The following L1TD1 variants were observed in gnomAD, a reference collection of about 807,000 sequenced individuals.
L1TD1 encodes the protein LINE1 type transposase domain containing 1.
A neutral mutation model predicts 25.7 loss-of-function variants in L1TD1; 26 were observed. That is an observed-to-expected ratio of 1.01 (90% CI 0.74 to 1.40). The LOEUF is 1.40. L1TD1 is among the 40% of genes most tolerant of loss of function. The pLI is 0.00. For synonymous variants in L1TD1, 421 were observed against 335.6 expected, an observed-to-expected ratio of 1.25 and a Z score of -2.78; for missense variants, 1,130 against 975.0, an observed-to-expected ratio of 1.16 and a Z score of -2.12.
chr1:62,195,467 G>A (rs983257128), intron 1 of L1TD1, among the ~76,000 whole-genome samples: 1 of 152,252 alleles, frequency 6.6e-6, no homozygotes, highest in Non-Finnish European at 1.5e-5. Flanking sequence ...GAAAAAGGAT[G>A]GAGGGGCCGG....
In L1TD1 at chr1:62,210,667, G is replaced by A. The variant is rs768923412; in HGVS notation, c.1893G>A (p.Glu631=). The change falls in exon 4 of 4, where the codon GAG becomes GAA. Residue 631 remains glutamate, a synonymous_variant. Transcript: ENST00000498273. ...VINSIREIKE[E]IGNLKSSHSG... ...ATAGCATCAGAGAGATAAAAGAGGA[G>A]ATTGGAAATTTGAAAAGTTCCCATT... The A allele has an allele frequency of 1.3e-6, 2 of 1,558,038 alleles. No homozygotes were observed. Among genetic ancestry groups the A allele is most frequent in the Non-Finnish European group, 1.7e-6 (2 of 1,150,288 alleles).
intron 3 of L1TD1, among the ~76,000 whole-genome samples, chr1:62,208,989 T>C (rs1426465994): frequency 6.6e-6 from 1 of 152,194 alleles, no homozygotes; most frequent in Non-Finnish European, 1.5e-5. Flanking sequence ...CTAACCTGTC[T>C]GGTGGGTTTG....
chr1:62,201,656 A>G (rs530512214), intron 2 of L1TD1, among the ~76,000 whole-genome samples: 1 of 152,262 alleles, frequency 6.6e-6, no homozygotes, highest in East Asian at 1.9e-4. Context: ...ATGCCATTTC[A>G]CCTGTAAAAA....
chr1:62,211,494 G>T lies in L1TD1; in HGVS notation c.*122G>T. The T allele has an allele frequency of 6.9e-7, 1 of 1,452,930 alleles. No homozygotes were observed. Among genetic ancestry groups the T allele is most frequent in the Non-Finnish European group, 9.1e-7 (1 of 1,097,936 alleles). The allele number at this position is 1,452,930 out of a possible 1,614,324, so 90.0% of individuals were successfully genotyped here. On this transcript the variant is annotated 3_prime_UTR_variant, in exon 4 of 4. Transcript: ENST00000498273. Reference sequence around the variant, plus strand: ...GACAGCTAATAGCGTACTTGGGGATGAGGAGCAAGGAATATTACAGATATT... The same window carrying T: ...GACAGCTAATAGCGTACTTGGGGATTAGGAGCAAGGAATATTACAGATATT...
chr1:62,207,770 T>C (rs1249639686), intron 3 of L1TD1, 134 bp downstream of exon 3: 1 of 1,118,086 alleles, frequency 8.9e-7, no homozygotes, highest in Non-Finnish European at 1.2e-6. Context: ...GGGAGTGCAG[T>C]GGCACGATCT....
At position 62,200,153 on chromosome 1, in the gene L1TD1, G is replaced by GTA. The variant is rs759033414; in HGVS notation, c.-111+3636_-111+3637dup. ...TAGAGTATATATATCATAACATGGTGTATATATATATAACAATGTATATTA... is the reference window on the plus strand; with the variant it reads ...TAGAGTATATATATCATAACATGGTGTATATATATATATAACAATGTATATTA... On this transcript the variant is annotated intron_variant, in intron 2 of 3. Transcript: ENST00000498273. Among the ~76,000 whole-genome samples the GTA allele has an allele frequency of 2.8e-3, 427 of 151,832 alleles. 1 individual carries two copies. The highest frequency in any genetic ancestry group is 9.1e-3 in the African/African-American group (378 of 41,376).
At chr1:62,205,908 T>G (rs900382284) in intron 2 of L1TD1, among the ~76,000 whole-genome samples, 3 of 151,912 alleles carry the variant, frequency 2.0e-5, no homozygotes, top group African/African-American at 7.3e-5. Context: ...ATTTTTTATT[T>G]TTTTGTAGAG....
chr1:62,207,252 C>T lies in L1TD1; in HGVS notation c.624C>T (p.Val208=). The T allele has an allele frequency of 6.4e-7, 1 of 1,551,026 alleles. No homozygotes were observed. The highest frequency in any genetic ancestry group is 1.2e-5 in the South Asian group (1 of 83,950). ...ESRKDGEDEF[V]KEMREERKFQ... ...GGAAGGATGGAGAGGATGAATTTGT[C>T]AAAGAAATGAGAGAGGAAAGAAAAT... The change falls in exon 3 of 4, where the codon GTC becomes GTT. Residue 208 remains valine, a synonymous_variant. Transcript: ENST00000498273.
In L1TD1 at chr1:62,210,720, T is replaced by C. The variant is rs1467527733; in HGVS notation, c.1946T>C (p.Val649Ala). 1 of 1,551,764 alleles carries C rather than the reference T, an allele frequency of 6.4e-7. No homozygotes were observed. Among genetic ancestry groups the C allele is most frequent in the South Asian group, 1.2e-5 (1 of 84,072 alleles). The change falls in exon 4 of 4, where the codon GTA becomes GCA. Residue 649 changes from valine (V) to alanine (A), a missense_variant. Coordinates refer to ENST00000498273, the MANE Select transcript of L1TD1 (RefSeq NM_019079.5). Reference sequence around the variant, plus strand: ...GGTGTCTTGGAAATTGAAAATTCAGTAGATGATCTGAGTAGCAGAATGGAC... The same window carrying C: ...GGTGTCTTGGAAATTGAAAATTCAGCAGATGATCTGAGTAGCAGAATGGAC... Reference protein sequence around the residue: ...HSGVLEIENSVDDLSSRMDIL... With the variant: ...HSGVLEIENSADDLSSRMDIL...
rs1273251131 is a variant in L1TD1, at chr1:62,212,270, A to G, written c.*898A>G. ...CAAAAAGAGGAAGAAATGATATTTC[A>G]CAAGTTTGTATCATTTGTCATGATG... On this transcript the variant is annotated 3_prime_UTR_variant, in exon 4 of 4. Transcript: ENST00000498273. 6.6e-6 allele frequency: 1 copy of G among 151,936 alleles called. No individual in the cohort carries two copies. The highest frequency in any genetic ancestry group is 1.5e-5 in the Non-Finnish European group (1 of 68,026). The allele number at this position is 151,936 out of a possible 1,614,324, so 9.4% of individuals were successfully genotyped here. A position where few individuals can be genotyped will look rare whatever the true frequency, so the allele number is the denominator to read the frequency against.
At chr1:62,205,443 A>ATTTTTTTTTTT (rs1261055805) in intron 2 of L1TD1, among the ~76,000 whole-genome samples, 12 of 63,654 alleles carry the variant, frequency 1.9e-4, no homozygotes, top group East Asian at 1.2e-3. Context: ...ATATATATAT[A>ATTTTTTTTTTT]TTTTTTTTTA....
rs188357277 is a variant in L1TD1 at position 62,203,617 on chromosome 1, C to T, written c.-110-2902C>T. On this transcript the variant is annotated intron_variant, in intron 2 of 3. Coordinates refer to ENST00000498273, the MANE Select transcript of L1TD1 (RefSeq NM_019079.5). Reference sequence around the variant, plus strand: ...CTTTTGAGACGGAGTCTCGCTCTGACGCTCAGGCTGGAGTGCAGTGGCACG... The same window carrying T: ...CTTTTGAGACGGAGTCTCGCTCTGATGCTCAGGCTGGAGTGCAGTGGCACG... Among the ~76,000 whole-genome samples the T allele has an allele frequency of 2.7e-3, 416 of 152,156 alleles. 3 individuals carry two copies. The highest frequency in any genetic ancestry group is 9.3e-3 in the African/African-American group (386 of 41,534).
In L1TD1 at chr1:62,210,521, G is replaced by A. The variant is rs769184330; in HGVS notation, c.1747G>A (p.Val583Ile). The change falls in exon 4 of 4, where the codon GTC becomes ATC. Residue 583 changes from valine (V) to isoleucine (I), a missense_variant. Transcript: ENST00000498273. The stretch of plus-strand genomic sequence containing the variant: ...TACAAATTTGAGTATTTCAACAGGA[G>A]TCACCAAACTTAAGAAAACAGAAGA... The part of the protein sequence containing the change: ...SHTNLSISTG[V>I]TKLKKTEEKK... 1.1e-4 allele frequency: 178 copies of A among 1,613,340 alleles called. 3 individuals are homozygous for A. In the South Asian group the frequency reaches 1.8e-3, roughly 17 times the overall value.
intron 2 of L1TD1, among the ~76,000 whole-genome samples, chr1:62,202,521 T>C (rs1429560843): frequency 1.3e-5 from 2 of 149,924 alleles, no homozygotes; most frequent in Non-Finnish European, 1.5e-5. Flanking sequence ...TTTTTGTAAC[T>C]ATCATGCTTT....
chr1:62,210,071 G>C lies in L1TD1; in HGVS notation c.1297G>C (p.Glu433Gln), dbSNP rs553987942. The change falls in exon 4 of 4, where the codon GAG (glutamate) becomes CAG (glutamine). Residue 433 changes from glutamate (E) to glutamine (Q), a missense_variant. By Grantham distance (29) the Glu-to-Gln change is conservative (BLOSUM62 2). Transcript: ENST00000498273. ...GLEEDEASGL[E>Q]EEEEQTSEQD... is the part of the protein sequence containing the mutation. ...GGAGGAGGATGAGGCCTCAGGGCTA[G>C]AGGAGGAAGAGGAACAGACTTCAGA... 50 of 1,613,976 alleles carry C rather than the reference G, an allele frequency of 3.1e-5. 1 individual carries two copies. The South Asian group carries it at 4.2e-4, about 13-fold the overall frequency.
In L1TD1 at chr1:62,210,983, A is replaced by T; in HGVS notation, c.2209A>T (p.Ser737Cys). 6.5e-7 allele frequency: 1 copy of T among 1,546,440 alleles called. No individual in the cohort carries two copies. Among genetic ancestry groups the T allele is most frequent in the Non-Finnish European group, 8.7e-7 (1 of 1,145,784 alleles). ...ENFAELKKGS[S>C]LEIVSACRVP... ...CTTTGCAGAACTAAAGAAAGGTTCA[A>T]GTCTTGAGATTGTCAGTGCTTGTCG... Residue 737 changes from serine to cysteine, a missense_variant, in exon 4 of 4, where the codon AGT becomes TGT. Physicochemically the swap from Ser to Cys is moderately radical, Grantham distance 112 (BLOSUM62 -1). Transcript: ENST00000498273.
Position 62,211,031 on chromosome 1 carries a change from A to G in L1TD1, c.2257A>G (p.Lys753Glu). 2 of 1,548,076 alleles carry G rather than the reference A, an allele frequency of 1.3e-6. No individual in the cohort carries two copies. Among genetic ancestry groups the G allele is most frequent in the East Asian group, 2.4e-5 (1 of 40,894 alleles). ...ACRVPSKIDE[K>E]RLTPRHILVK... ...TCGAGTACCTAGTAAAATTGATGAA[A>G]AGAGACTGACTCCTAGACACATCTT... Residue 753 changes from lysine (K) to glutamate (E), a missense_variant, in exon 4 of 4, where the codon AAG (lysine) becomes GAG (glutamate). By Grantham distance (56) the Lys-to-Glu change is moderately conservative (BLOSUM62 1). Coordinates refer to ENST00000498273, the MANE Select transcript of L1TD1 (RefSeq NM_019079.5).
Position 62,210,499 on chromosome 1 carries a change from A to G in L1TD1, c.1725A>G (p.Thr575=), listed in dbSNP as rs745536159. The G allele has an allele frequency of 4.3e-6, 7 of 1,613,900 alleles. No individual in the cohort carries two copies. The highest frequency in any genetic ancestry group is 5.9e-6 in the Non-Finnish European group (7 of 1,180,018). The change falls in exon 4 of 4, where the codon ACA becomes ACG. Residue 575 remains threonine (T), a synonymous_variant. Coordinates refer to ENST00000498273, the MANE Select transcript of L1TD1 (RefSeq NM_019079.5). The part of the protein sequence containing the change: ...SHDEHKKHSH[T]NLSISTGVTK... ...ATGAGCATAAAAAGCATTCACATAC[A>G]AATTTGAGTATTTCAACAGGAGTCA...
At position 62,209,952 on chromosome 1, in the gene L1TD1, G is replaced by T; in HGVS notation, c.1178G>T (p.Gly393Val). ...ELEELDEEAS[G>V]MEDDEDTSGL... ...GAGGAGCTGGATGAAGAGGCCTCAG[G>T]GATGGAGGATGATGAAGATACCTCA... The change falls in exon 4 of 4, where the codon GGG becomes GTG. Residue 393 changes from glycine (G) to valine (V), a missense_variant. Physicochemically the swap from Gly to Val is moderately radical, Grantham distance 109. Transcript: ENST00000498273. The T allele has an allele frequency of 6.2e-7, 1 of 1,611,960 alleles. No individual in the cohort carries two copies. The highest frequency in any genetic ancestry group is 2.2e-5 in the East Asian group (1 of 44,822).
Sources: allele counts gnomAD v4.1 joint callset (sites outside exome capture counted in the v4.1 genomes callset), GRCh38; gene constraint gnomAD v4.1.1; transcripts MANE v1.5; gene names NCBI Gene and HGNC (gene_info 2026-07-23, HGNC 2026-07-21).